The following GRM7 variants were observed in gnomAD, a reference collection of about 807,000 sequenced individuals.
The protein encoded by GRM7 is glutamate metabotropic receptor 7, also known as metabotropic glutamate receptor 7.
A neutral mutation model predicts 84.5 loss-of-function variants in GRM7; 35 were observed. The observed-to-expected ratio is 0.41, with a 90% confidence interval of 0.32 to 0.55. The LOEUF is 0.55. Ranked by LOEUF, GRM7 falls within the 20% of genes least tolerant of loss-of-function variation. The pLI is 0.19. For missense variants in GRM7, 1,003 were observed against 1,194.6 expected (o/e 0.84, Z 2.36); for synonymous variants, 487 against 455.1 (o/e 1.07, Z -0.89).
At chr3:7,653,699 G>A (rs1699057449) in intron 8 of GRM7, among the ~76,000 whole-genome samples, 1 of 152,142 alleles carries the variant, frequency 6.6e-6, no homozygotes, top group Non-Finnish European at 1.5e-5. Flanking sequence ...AATATTAAGT[G>A]GATGGTGCAT....
At chr3:7,331,823 TA>T (rs1192381425) in intron 4 of GRM7, among the ~76,000 whole-genome samples, 1 of 152,158 alleles carries the variant, frequency 6.6e-6, no homozygotes, top group African/African-American at 2.4e-5. Flanking sequence ...CTACCATTAT[TA>T]AAGAATTAGA....
At chr3:7,072,542 C>T (rs1425927703) in intron 1 of GRM7, among the ~76,000 whole-genome samples, 1 of 151,786 alleles carries the variant, frequency 6.6e-6, no homozygotes, top group Non-Finnish European at 1.5e-5. Context: ...ATAAAATTAA[C>T]TGGGTGTGGT....
chr3:7,160,394 G>A (rs556443935), intron 2 of GRM7, among the ~76,000 whole-genome samples: 2 of 152,246 alleles, frequency 1.3e-5, no homozygotes, highest in South Asian at 4.2e-4. Context: ...GATTTGTGAG[G>A]TCTTAACTAG....
Position 6,861,394 on chromosome 3 carries a change from C to T in GRM7, c.6C>T (p.Val2=). The T allele has an allele frequency of 1.3e-6, 2 of 1,570,222 alleles. No individual in the cohort carries two copies. The highest frequency in any genetic ancestry group is 8.6e-7 in the Non-Finnish European group (1 of 1,162,570). Residue 2 remains valine, a synonymous_variant, in exon 1 of 10, where the codon GTC becomes GTT. Transcript: ENST00000357716. This position sits in a 1 kb window ranked among gnomAD's most constrained non-coding sequence, Gnocchi z 6.4. M[V]QLRKLLRVLT... is the part of the protein sequence containing the mutation. ...ACCGCAGCAGCCGGAGCAGCATGGTCCAGCTGAGGAAGCTGCTCCGCGTCC... is the reference window on the plus strand; with the variant it reads ...ACCGCAGCAGCCGGAGCAGCATGGTTCAGCTGAGGAAGCTGCTCCGCGTCC...
At position 7,230,426 on chromosome 3, in the gene GRM7, A is replaced by C. The variant is rs145443985; in HGVS notation, c.737-68258A>C. 7.5e-3 allele frequency among the ~76,000 whole-genome samples: 1,140 copies of C among 152,268 alleles called. 7 individuals are homozygous for C. The highest frequency in any genetic ancestry group is 0.041 in the Middle Eastern group (12 of 294). The stretch of plus-strand genomic sequence containing the variant: ...ATCTGTCAATAGCAGATTGCTATTG[A>C]GTAGTAAGTGCCTTGAATTCTCATC... On this transcript the variant is annotated intron_variant, in intron 2 of 9. Transcript: ENST00000357716.
chr3:7,674,260 T>G (rs932443071), intron 8 of GRM7, among the ~76,000 whole-genome samples: 5 of 151,990 alleles, frequency 3.3e-5, no homozygotes, highest in Non-Finnish European at 7.4e-5. Context: ...GACGCGATCT[T>G]GGCTCACTGC....
intron 2 of GRM7, among the ~76,000 whole-genome samples, chr3:7,171,430 GGGGGTTAAGACTTCAATGT>G (rs1694979328): frequency 6.6e-6 from 1 of 152,104 alleles, no homozygotes; most frequent in Non-Finnish European, 1.5e-5. Flanking sequence ...CTGAGATATT[GGGGGTTAAGACTTCAATGT>G]GTCTTTATTT....
chr3:7,146,070 T>A (rs181306277), intron 1 of GRM7, among the ~76,000 whole-genome samples: 113 of 152,338 alleles, frequency 7.4e-4, no homozygotes, highest in Non-Finnish European at 1.3e-3. Flanking sequence ...CCAATCTTTA[T>A]ATACACTCCA....
intron 1 of GRM7, among the ~76,000 whole-genome samples, chr3:6,917,494 CTTTTTTTT>C (rs35883512): frequency 1.4e-3 from 179 of 126,356 alleles, no homozygotes; most frequent in South Asian, 3.2e-3. Context: ...TTGTTAATTG[CTTTTTTTT>C]TTTTTTTTTT....
At chr3:6,944,532 G>C (rs1697993523) in intron 1 of GRM7, among the ~76,000 whole-genome samples, 1 of 152,042 alleles carries the variant, frequency 6.6e-6, no homozygotes, top group Non-Finnish European at 1.5e-5. Flanking sequence ...AACCTACTTG[G>C]TCATGACAAA....
intron 1 of GRM7, among the ~76,000 whole-genome samples, chr3:7,054,177 CAT>C (rs1275888902): frequency 6.7e-6 from 1 of 150,130 alleles, no homozygotes. Flanking sequence ...TATGAGTAAA[CAT>C]AGTTTTTTGT....
intron 2 of GRM7, among the ~76,000 whole-genome samples, chr3:7,194,667 C>G (rs934752775): frequency 6.6e-6 from 1 of 152,078 alleles, no homozygotes; most frequent in African/African-American, 2.4e-5. Context: ...TAAGGCAATC[C>G]TGGCTCTACC....
At chr3:7,691,759 C>A (rs1357971518) in intron 9 of GRM7, among the ~76,000 whole-genome samples, 1 of 152,150 alleles carries the variant, frequency 6.6e-6, no homozygotes, top group Non-Finnish European at 1.5e-5. Flanking sequence ...CTCCTGGGTT[C>A]AAGTGATTCT....
chr3:7,347,536 C>T (rs762596431), intron 4 of GRM7, among the ~76,000 whole-genome samples: 1 of 152,058 alleles, frequency 6.6e-6, no homozygotes, highest in Non-Finnish European at 1.5e-5. Context: ...TGCAGATTGT[C>T]GGGGTTTGAG....
At chr3:6,984,420 T>C (rs538026625) in intron 1 of GRM7, among the ~76,000 whole-genome samples, 2 of 152,358 alleles carry the variant, frequency 1.3e-5, no homozygotes, top group South Asian at 4.1e-4. Context: ...CAGTCCTTAG[T>C]AATAATTACA....
chr3:7,641,713 C>A (rs1055686053), intron 8 of GRM7, among the ~76,000 whole-genome samples: 3 of 152,074 alleles, frequency 2.0e-5, no homozygotes, highest in Admixed American at 2.0e-4. Flanking sequence ...AAATAATACG[C>A]AATGATGTGA....
In GRM7 at chr3:7,151,830, C is replaced by T. The variant is rs1694296766; in HGVS notation, c.736+5162C>T. On this transcript the variant is annotated intron_variant, in intron 2 of 9. Transcript: ENST00000357716. The surrounding 1 kb of genome is among the most constrained non-coding windows in gnomAD (Gnocchi z 4.5). ...TCACTCTGAATTTACACCATTATTT[C>T]CTCTCACCATTCCTATATAAAACTG... Among the ~76,000 whole-genome samples the T allele has an allele frequency of 6.6e-6, 1 of 152,054 alleles. No individual in the cohort carries two copies. Among genetic ancestry groups the T allele is most frequent in the African/African-American group, 2.4e-5 (1 of 41,418 alleles).
chr3:7,101,559 A>G (rs1002998163), intron 1 of GRM7, among the ~76,000 whole-genome samples: 8 of 151,472 alleles, frequency 5.3e-5, no homozygotes, highest in African/African-American at 1.9e-4. Context: ...ATTTACATGT[A>G]ATATAATCAC....
Position 6,862,729 on chromosome 3 carries a change from C to T in GRM7, c.519+822C>T. 1 of 286,788 alleles carries T rather than the reference C, an allele frequency of 3.5e-6. No individual in the cohort carries two copies. Among genetic ancestry groups the T allele is most frequent in the South Asian group, 2.7e-5 (1 of 36,410 alleles). 17.8% of individuals were successfully genotyped at this position (286,788 alleles called of 1,614,324 possible). A position where few individuals can be genotyped will look rare whatever the true frequency, so the allele number is the denominator to read the frequency against. On this transcript the variant is annotated intron_variant, in intron 1 of 9. Coordinates refer to ENST00000357716, the MANE Select transcript of GRM7 (RefSeq NM_000844.4). The surrounding 1 kb of genome is among the most constrained non-coding windows in gnomAD (Gnocchi z 5.2). ...TCCCTGCCTCCTCCCTCCTCCCCCC[C>T]GCCCCCCTCACCCACTATCTCCCTG...
Sources: allele counts gnomAD v4.1 joint callset (sites outside exome capture counted in the v4.1 genomes callset), GRCh38; gene constraint gnomAD v4.1.1; non-coding constraint Gnocchi (gnomAD v3.1); transcripts MANE v1.5; gene names NCBI Gene and HGNC (gene_info 2026-07-23, HGNC 2026-07-21).